The following RIN3 variants were observed in gnomAD, a reference collection of about 807,000 sequenced individuals.
RIN3 encodes the protein RAB5 interacting protein 3.
A neutral mutation model predicts 76.3 loss-of-function variants in RIN3; 54 were observed. The ratio of observed to expected loss-of-function variants is 0.71; its 90% CI spans 0.57 to 0.89. The LOEUF (loss-of-function observed/expected upper bound fraction) is 0.89, where lower values mean the gene tolerates loss of function less well. Among genes scored for constraint, RIN3 ranks in the 40% least tolerant of loss-of-function variants. The pLI, the probability that RIN3 is intolerant of heterozygous loss-of-function variation, is 0.00. For missense variants in RIN3, 1,256 were observed against 1,322.1 expected, an observed-to-expected ratio of 0.95 and a Z score of 0.78; for synonymous variants, 576 against 564.0, an observed-to-expected ratio of 1.02 and a Z score of -0.30.
intron 1 of RIN3, among the ~76,000 whole-genome samples, chr14:92,525,939 C>T (rs1896717305): frequency 6.6e-6 from 1 of 152,116 alleles, no homozygotes; most frequent in African/African-American, 2.4e-5. Context: ...ACTGGGGTGG[C>T]ATCTGGGGAA....
intron 1 of RIN3, among the ~76,000 whole-genome samples, chr14:92,524,340 T>C (rs1896673932): frequency 6.6e-6 from 1 of 152,244 alleles, no homozygotes. Flanking sequence ...TGGCACTTGC[T>C]GAGTGTCAAG....
rs77022007 is a variant in RIN3, at chr14:92,553,181, G to A, written c.45-2570G>A. Among the ~76,000 whole-genome samples the A allele has an allele frequency of 9.8e-3, 1,486 of 152,254 alleles. 29 individuals carry two copies. Among genetic ancestry groups the A allele is most frequent in the African/African-American group, 0.034 (1,395 of 41,540 alleles). ...TTGGCCAAGTGCTAAGCCATAGTTC[G>A]TGGCAAAGAAGAAATGAAGCTGATT... is the stretch of plus-strand genomic sequence containing the variant. On this transcript the variant is annotated intron_variant, in intron 1 of 9. Transcript: ENST00000216487.
intron 3 of RIN3, chr14:92,586,434 T>C (rs1174339876): frequency 6.6e-6 from 1 of 152,230 alleles, no homozygotes; most frequent in Non-Finnish European, 1.5e-5. Flanking sequence ...AGTTTATTTC[T>C]TTCTGTTTTC....
chr14:92,665,057 A>G (rs1206630641), intron 7 of RIN3, among the ~76,000 whole-genome samples: 1 of 152,098 alleles, frequency 6.6e-6, no homozygotes, highest in Non-Finnish European at 1.5e-5. Context: ...TCATTAGACA[A>G]TTTCATTGTT....
intron 3 of RIN3, among the ~76,000 whole-genome samples, chr14:92,599,132 TCCAGG>T (rs1170067114): frequency 6.6e-6 from 1 of 152,252 alleles, no homozygotes; most frequent in East Asian, 1.9e-4. Flanking sequence ...GCAATGTGCA[TCCAGG>T]CCTTGAAGCT....
At chr14:92,607,781 C>T (rs1309610456) in intron 3 of RIN3, among the ~76,000 whole-genome samples, 1 of 152,230 alleles carries the variant, frequency 6.6e-6, no homozygotes, top group African/African-American at 2.4e-5. Context: ...AAATGTCCTT[C>T]AGTGGATGAA....
At chr14:92,532,880 G>A (rs570515623) in intron 1 of RIN3, among the ~76,000 whole-genome samples, 1 of 152,270 alleles carries the variant, frequency 6.6e-6, no homozygotes, top group East Asian at 1.9e-4. Flanking sequence ...TTGAAAGCCG[G>A]GGAGCTTGGA....
chr14:92,589,428 C>G (rs541202143), intron 3 of RIN3, among the ~76,000 whole-genome samples: 16 of 152,282 alleles, frequency 1.1e-4, no homozygotes, highest in African/African-American at 3.9e-4. Flanking sequence ...CAGCAGAGGG[C>G]AGAGCCTGTT....
At chr14:92,604,602 G>C (rs139037734) in intron 3 of RIN3, among the ~76,000 whole-genome samples, 1 of 151,970 alleles carries the variant, frequency 6.6e-6, no homozygotes, top group Non-Finnish European at 1.5e-5. Context: ...TTGTGTCCCC[G>C]ATAACAATTT....
chr14:92,611,945 C>A (rs997875575), intron 3 of RIN3, among the ~76,000 whole-genome samples: 11 of 152,144 alleles, frequency 7.2e-5, no homozygotes, highest in Admixed American at 2.6e-4. Context: ...AAAGGGGGAA[C>A]AAGGTGTCTC....
chr14:92,580,785 C>G (rs1020319812), intron 3 of RIN3, among the ~76,000 whole-genome samples: 3 of 152,204 alleles, frequency 2.0e-5, no homozygotes, highest in Admixed American at 1.3e-4. Context: ...CGTCTTCCTG[C>G]CAAGGCCTAG....
intron 3 of RIN3, among the ~76,000 whole-genome samples, chr14:92,613,821 G>C (rs1253585404): frequency 6.6e-6 from 1 of 152,214 alleles, no homozygotes; most frequent in African/African-American, 2.4e-5. Context: ...AACCTCGGGA[G>C]ACCAGGACCA....
chr14:92,537,061 C>T (rs1274740784), intron 1 of RIN3, among the ~76,000 whole-genome samples: 1 of 151,860 alleles, frequency 6.6e-6, no homozygotes, highest in Non-Finnish European at 1.5e-5. Context: ...CCACCTGGTC[C>T]CTTCATGTCC....
chr14:92,561,020 TAAAAA>T (rs1324990452), intron 2 of RIN3, among the ~76,000 whole-genome samples: 7 of 23,630 alleles, frequency 3.0e-4, no homozygotes, highest in Non-Finnish European at 4.6e-4. Context: ...AAACTCTGTC[TAAAAA>T]AAAAAAAAAA....
chr14:92,638,458 G>A (rs1272227947), intron 4 of RIN3, among the ~76,000 whole-genome samples: 1 of 152,184 alleles, frequency 6.6e-6, no homozygotes, highest in Non-Finnish European at 1.5e-5. Flanking sequence ...TGTGACTGCA[G>A]CTGCAACTGC....
intron 3 of RIN3, 82 bp from the exon 4 acceptor site, chr14:92,615,325 G>A (rs1238235233): frequency 2.8e-5 from 33 of 1,177,984 alleles, no homozygotes; most frequent in Non-Finnish European, 3.3e-5. Flanking sequence ...CACGCCCCCC[G>A]ACCCCATCCT....
chr14:92,686,455 T>G (rs1043327645), intron 9 of RIN3: 1 of 152,230 alleles, frequency 6.6e-6, no homozygotes, highest in Non-Finnish European at 1.5e-5. Context: ...TGGAAAGAAG[T>G]GTATGCAGTC....
Position 92,688,405 on chromosome 14 carries a change from A to C in RIN3, c.*153A>C. 1 of 720,958 alleles carries C rather than the reference A, an allele frequency of 1.4e-6. No individual in the cohort carries two copies. The highest frequency in any genetic ancestry group is 2.2e-6 in the Non-Finnish European group (1 of 453,494). The allele number at this position is 720,958 out of a possible 1,614,324, so 44.7% of individuals were successfully genotyped here. A position where few individuals can be genotyped will look rare whatever the true frequency, so the allele number is the denominator to read the frequency against. On this transcript the variant is annotated 3_prime_UTR_variant, in exon 10 of 10. Transcript: ENST00000216487. The stretch of plus-strand genomic sequence containing the variant: ...GTCGCAGGACAGTTGTGAAAATAAC[A>C]TGACGCTCGTCCAAGGCCACTTCCT...
At chr14:92,578,644 A>G (rs1323190912) in intron 3 of RIN3, among the ~76,000 whole-genome samples, 3 of 152,122 alleles carry the variant, frequency 2.0e-5, no homozygotes, top group Non-Finnish European at 4.4e-5. Context: ...TAGGAGGGGT[A>G]TGGAGGGGGA....
Sources: gnomAD v4.1 joint callset for allele counts (sites outside exome capture counted in the v4.1 genomes callset) on GRCh38, gnomAD v4.1.1 for gene constraint, MANE v1.5 for transcripts, NCBI Gene and HGNC (gene_info 2026-07-23, HGNC 2026-07-21) for gene names.